ZC3H3: variants seen among roughly 807,000 people sequenced by gnomAD.
ZC3H3 encodes zinc finger CCCH-type containing 3.
A neutral mutation model predicts 77.3 loss-of-function variants in ZC3H3; 36 were observed. That is an observed-to-expected ratio of 0.47 (90% CI 0.36 to 0.61). ZC3H3 has a LOEUF of 0.61. ZC3H3 is among the 20% of genes least tolerant of loss of function. ZC3H3 has a pLI of 0.00. For synonymous variants in ZC3H3, 626 were observed against 555.2 expected (o/e 1.13, Z -1.79); for missense variants, 1,331 against 1,312.2 (o/e 1.01, Z -0.22).
At chr8:143,472,038 C>T (rs902451749) in intron 5 of ZC3H3, among the ~76,000 whole-genome samples, 12 of 151,924 alleles carry the variant, frequency 7.9e-5, no homozygotes, top group Admixed American at 4.6e-4. Context: ...GGCTGGCCAG[C>T]GGGACACCGG....
chr8:143,541,031 C>CGAAATGAG (rs1189545739), intron 1 of ZC3H3, among the ~76,000 whole-genome samples: 1 of 152,242 alleles, frequency 6.6e-6, no homozygotes, highest in Non-Finnish European at 1.5e-5. Context: ...ATGAACTAGT[C>CGAAATGAG]CCAGCCCCGC....
chr8:143,437,791 G>A lies in ZC3H3; in HGVS notation c.*265C>T. On this transcript the variant is annotated 3_prime_UTR_variant, in exon 12 of 12. Transcript: ENST00000262577. ...GGGCCACTGTTGCCAATGGCAGTCG[G>A]GGACAGGCCTGGAGGCCAGCCCTGC... is the stretch of plus-strand genomic sequence containing the variant. The A allele has an allele frequency of 1.9e-6, 1 of 532,384 alleles. No homozygotes were observed. Among genetic ancestry groups the A allele is most frequent in the South Asian group, 2.2e-5 (1 of 45,694 alleles). The allele number at this position is 532,384 out of a possible 1,614,324, so 33.0% of individuals were successfully genotyped here.
chr8:143,521,838 C>T (rs1822252335), intron 3 of ZC3H3, among the ~76,000 whole-genome samples: 1 of 152,186 alleles, frequency 6.6e-6, no homozygotes, highest in African/African-American at 2.4e-5. Flanking sequence ...GAGGGTTTTT[C>T]TGTTCTCCAC....
chr8:143,527,419 G>A (rs769095692), intron 3 of ZC3H3, among the ~76,000 whole-genome samples: 4 of 152,132 alleles, frequency 2.6e-5, no homozygotes, highest in Non-Finnish European at 5.9e-5. Flanking sequence ...ACGCCACCCT[G>A]CCTGCGCAGC....
At chr8:143,463,803 G>A (rs988731707) in intron 9 of ZC3H3, among the ~76,000 whole-genome samples, 1 of 152,254 alleles carries the variant, frequency 6.6e-6, no homozygotes. Flanking sequence ...GCAGTCTGAA[G>A]TCATCCCCGT....
rs760398978 is a variant in ZC3H3, at chr8:143,539,074, G to A, written c.293C>T (p.Ala98Val). 1 of 1,612,990 alleles carries A rather than the reference G, an allele frequency of 6.2e-7. No homozygotes were observed. The highest frequency in any genetic ancestry group is 2.2e-5 in the East Asian group (1 of 44,876). ...ADHAVRPLHGARGGQPPVPQQ... is the reference protein window; with the variant it reads ...ADHAVRPLHGVRGGQPPVPQQ... ...CGGGACAGGAGGCTGGCCCCCCCGG[G>A]CCCCGTGCAACGGCCGCACAGCATG... Residue 98 changes from alanine to valine, a missense_variant, in exon 2 of 12, where the codon GCC (alanine) becomes GTC (valine). Transcript: ENST00000262577.
At chr8:143,536,870 C>T (rs1028759064) in intron 2 of ZC3H3, among the ~76,000 whole-genome samples, 2 of 152,206 alleles carry the variant, frequency 1.3e-5, no homozygotes, top group Non-Finnish European at 2.9e-5. Context: ...AGTAAGGGGG[C>T]AGCTTCTCCA....
intron 4 of ZC3H3, among the ~76,000 whole-genome samples, chr8:143,481,143 G>A (rs570633109): frequency 6.6e-6 from 1 of 152,314 alleles, no homozygotes; most frequent in East Asian, 1.9e-4. Context: ...AGGGGTTCGA[G>A]GCCTAGGCCA....
chr8:143,536,285 C>G lies in ZC3H3; in HGVS notation c.1533G>C (p.Pro511=). Residue 511 remains proline (P), a synonymous_variant, in exon 3 of 12, where the codon CCG becomes CCC. Coordinates refer to ENST00000262577, the MANE Select transcript of ZC3H3 (RefSeq NM_015117.3). ...CCTTGGTGGGGAGGTGGGCCCGGCT[C>G]GGTGGCAGGCGACATAGTCGGTGCG... is the stretch of plus-strand genomic sequence containing the variant. The part of the protein sequence containing the change: ...VTTHRLCRLP[P]SRAHLPTKEA... 6.2e-7 allele frequency: 1 copy of G among 1,611,730 alleles called. No individual in the cohort carries two copies. Among genetic ancestry groups the G allele is most frequent in the South Asian group, 1.1e-5 (1 of 90,830 alleles).
intron 3 of ZC3H3, among the ~76,000 whole-genome samples, chr8:143,508,796 C>G (rs1481596706): frequency 6.7e-6 from 1 of 150,292 alleles, no homozygotes; most frequent in Non-Finnish European, 1.5e-5. Flanking sequence ...TCACTTCCTT[C>G]CAGTCAGTGC....
chr8:143,454,703 G>A (rs1031560302), intron 9 of ZC3H3, among the ~76,000 whole-genome samples: 1 of 152,068 alleles, frequency 6.6e-6, no homozygotes, highest in Non-Finnish European at 1.5e-5. Context: ...GAGCCACCGC[G>A]CCCAGCCAAC....
intron 3 of ZC3H3, among the ~76,000 whole-genome samples, chr8:143,521,895 C>A (rs2130467857): frequency 6.6e-6 from 1 of 152,366 alleles, no homozygotes; most frequent in East Asian, 1.9e-4. Flanking sequence ...ACAGAGGCGG[C>A]TCCCATATTG....
chr8:143,535,844 C>A (rs919262964), intron 3 of ZC3H3, among the ~76,000 whole-genome samples: 3 of 152,262 alleles, frequency 2.0e-5, no homozygotes, highest in African/African-American at 7.2e-5. Flanking sequence ...TCAGAAAGGG[C>A]AGGGCAGGTA....
chr8:143,488,839 G>C (rs1821118806), intron 4 of ZC3H3, among the ~76,000 whole-genome samples: 1 of 152,252 alleles, frequency 6.6e-6, no homozygotes, highest in African/African-American at 2.4e-5. Flanking sequence ...GGAGTTCCAT[G>C]AATCCATAAG....
chr8:143,472,443 A>G (rs1820594923), intron 5 of ZC3H3, among the ~76,000 whole-genome samples: 1 of 152,196 alleles, frequency 6.6e-6, no homozygotes, highest in Non-Finnish European at 1.5e-5. Flanking sequence ...CGACGGGGAG[A>G]CACAGCAGCA....
intron 5 of ZC3H3, among the ~76,000 whole-genome samples, chr8:143,471,720 G>A (rs896529830): frequency 7.9e-5 from 12 of 152,106 alleles, no homozygotes; most frequent in Admixed American, 5.2e-4. Context: ...CTGCCGTCAG[G>A]GGCCCAGAGC....
In ZC3H3 at chr8:143,539,161, G is replaced by A. The variant is rs370112125; in HGVS notation, c.206C>T (p.Ser69Leu). ...CACGAGGGAGTATTTCTTGCGCCAC[G>A]AAGGCCCATGGTGGGAAGAGTAGCC... is the stretch of plus-strand genomic sequence containing the variant. ...RRGYSSHHGPSWRKKYSLVNR... is the reference protein window; with the variant it reads ...RRGYSSHHGPLWRKKYSLVNR... The change falls in exon 2 of 12, where the codon TCG (serine) becomes TTG (leucine). Residue 69 changes from serine to leucine, a missense_variant. Transcript: ENST00000262577. 18 of 1,612,866 alleles carry A rather than the reference G, an allele frequency of 1.1e-5. No homozygotes were observed. Among genetic ancestry groups the A allele is most frequent in the Admixed American group, 3.3e-5 (2 of 60,008 alleles).
intron 4 of ZC3H3, among the ~76,000 whole-genome samples, chr8:143,477,703 C>T (rs1820775813): frequency 1.3e-5 from 2 of 152,220 alleles, no homozygotes; most frequent in Admixed American, 1.3e-4. Flanking sequence ...ACGGCCACTA[C>T]CTGGGGGACA....
chr8:143,507,169 C>A (rs545343244), intron 4 of ZC3H3, among the ~76,000 whole-genome samples: 4 of 152,382 alleles, frequency 2.6e-5, no homozygotes, highest in Admixed American at 6.5e-5. Flanking sequence ...GTGGCAAAGC[C>A]TCCCGGGATA....
Sources: allele counts gnomAD v4.1 joint callset (sites outside exome capture counted in the v4.1 genomes callset), GRCh38; gene constraint gnomAD v4.1.1; transcripts MANE v1.5; gene names NCBI Gene and HGNC (gene_info 2026-07-23, HGNC 2026-07-21).